Variants in SUN3 observed in about 807,000 individuals in gnomAD.
SUN3 encodes the protein Sad1 and UNC84 domain containing 3.
A neutral mutation model predicts 48.2 loss-of-function variants in SUN3; 36 were observed. The ratio of observed to expected loss-of-function variants is 0.75; its 90% CI spans 0.57 to 0.99. SUN3 has a LOEUF of 0.99. Among genes scored for constraint, SUN3 ranks in the 50% least tolerant of loss-of-function variants. SUN3 has a pLI of 0.00. For missense variants in SUN3, 419 were observed against 433.1 expected, an observed-to-expected ratio of 0.97 and a Z score of 0.29; for synonymous variants, 148 against 147.9, an observed-to-expected ratio of 1.00 and a Z score of 0.00.
chr7:48,006,618 C>T (rs549838866), intron 5 of SUN3, among the ~76,000 whole-genome samples: 12 of 152,284 alleles, frequency 7.9e-5, no homozygotes, highest in Admixed American at 2.6e-4. Context: ...GCTGCCTAAA[C>T]GTAACACCTT....
At chr7:48,016,558 T>C (rs973785668) in intron 3 of SUN3, among the ~76,000 whole-genome samples, 8 of 152,138 alleles carry the variant, frequency 5.3e-5, no homozygotes, top group African/African-American at 1.9e-4. Context: ...ATTCAGTGAC[T>C]AGCCTCAGTC....
chr7:48,016,551 C>T (rs1026464410), intron 3 of SUN3, among the ~76,000 whole-genome samples: 4 of 152,150 alleles, frequency 2.6e-5, no homozygotes, highest in Non-Finnish European at 4.4e-5. Flanking sequence ...AGAGGACATT[C>T]AGTGACTAGC....
intron 1 of SUN3, among the ~76,000 whole-genome samples, chr7:48,026,832 C>T (rs534764154): frequency 7.2e-5 from 11 of 152,090 alleles, no homozygotes; most frequent in Admixed American, 1.3e-4. Context: ...AGAGAGCCCT[C>T]GCTAGAGACC....
At chr7:47,998,904 A>C (rs1789285099) in intron 6 of SUN3, among the ~76,000 whole-genome samples, 1 of 152,220 alleles carries the variant, frequency 6.6e-6, no homozygotes, top group Non-Finnish European at 1.5e-5. Flanking sequence ...GTAAACTTAT[A>C]GTAAGCCTTA....
chr7:48,022,356 C>T (rs1790022567), intron 2 of SUN3, among the ~76,000 whole-genome samples: 1 of 152,024 alleles, frequency 6.6e-6, no homozygotes, highest in African/African-American at 2.4e-5. Context: ...TATTTGACAA[C>T]ACAATGGGTG....
intron 2 of SUN3, among the ~76,000 whole-genome samples, chr7:48,024,161 A>G (rs1055266841): frequency 2.6e-5 from 4 of 152,238 alleles, no homozygotes; most frequent in African/African-American, 9.6e-5. Flanking sequence ...GGATGCTTCA[A>G]TATGACACCC....
chr7:47,997,095 C>T (rs1205246681), intron 6 of SUN3, among the ~76,000 whole-genome samples: 1 of 151,776 alleles, frequency 6.6e-6, no homozygotes, highest in Non-Finnish European at 1.5e-5. Context: ...CCACCGCGCC[C>T]AGCTGATTAT....
At chr7:48,009,489 G>C (rs1050979021) in intron 3 of SUN3, among the ~76,000 whole-genome samples, 1 of 152,168 alleles carries the variant, frequency 6.6e-6, no homozygotes, top group Non-Finnish European at 1.5e-5. Context: ...ACATGGCGAC[G>C]TTAGAGGACC....
chr7:48,028,327 A>C (rs1790190782), intron 1 of SUN3, among the ~76,000 whole-genome samples: 1 of 151,866 alleles, frequency 6.6e-6, no homozygotes, highest in South Asian at 2.1e-4. Flanking sequence ...TCACTAGAGG[A>C]AACAGGGTGA....
intron 3 of SUN3, among the ~76,000 whole-genome samples, chr7:48,015,144 T>C (rs1562609954): frequency 6.6e-6 from 1 of 152,150 alleles, no homozygotes; most frequent in Non-Finnish European, 1.5e-5. Flanking sequence ...AAATTGGCAA[T>C]AGTTGGAGCC....
At chr7:48,008,011 A>G (rs1789579540) in intron 4 of SUN3, among the ~76,000 whole-genome samples, 1 of 151,850 alleles carries the variant, frequency 6.6e-6, no homozygotes, top group South Asian at 2.1e-4. Context: ...TTTAGTAGAG[A>G]CAAGGTTTCA....
At chr7:48,001,929 C>T (rs2128774171) in intron 6 of SUN3, among the ~76,000 whole-genome samples, 1 of 152,178 alleles carries the variant, frequency 6.6e-6, no homozygotes, top group African/African-American at 2.4e-5. Flanking sequence ...TCTGGATATC[C>T]CAGTAATGGG....
At chr7:48,011,082 G>T (rs1789669910) in intron 3 of SUN3, among the ~76,000 whole-genome samples, 1 of 152,122 alleles carries the variant, frequency 6.6e-6, no homozygotes, top group South Asian at 2.1e-4. Context: ...AGTAATCTAG[G>T]ACGATTTGAT....
upstream of SUN3, among the ~76,000 whole-genome samples, chr7:48,031,631 A>G (rs1790257479): frequency 6.6e-6 from 1 of 152,256 alleles, no homozygotes; most frequent in South Asian, 2.1e-4. Context: ...TATGAAAAAC[A>G]GTATGGAAGT....
At chr7:48,012,447 A>G (rs189063345) in intron 3 of SUN3, among the ~76,000 whole-genome samples, 1 of 152,146 alleles carries the variant, frequency 6.6e-6, no homozygotes, top group East Asian at 1.9e-4. Flanking sequence ...ATGCCTTGGA[A>G]CATGGCTCTA....
At position 48,006,019 on chromosome 7, in the gene SUN3, T is replaced by G; in HGVS notation, c.527A>C (p.Lys176Thr). Residue 176 changes from lysine (K) to threonine (T), a missense_variant, in exon 6 of 10, where the codon AAG (lysine) becomes ACG (threonine). Coordinates refer to ENST00000297325, the MANE Select transcript of SUN3 (RefSeq NM_001030019.2). The part of the protein sequence containing the change: ...VSNLVNYVLK[K>T]LREDQVEMAD... ...CATCTCGACTTGGTCTTCTCTCAAC[T>G]TTTTAAGTACATAATTGACCAAGTT... 6.2e-7 allele frequency: 1 copy of G among 1,613,262 alleles called. No homozygotes were observed.
chr7:48,023,607 T>C (rs1178951384), intron 2 of SUN3, among the ~76,000 whole-genome samples: 1 of 152,080 alleles, frequency 6.6e-6, no homozygotes, highest in African/African-American at 2.4e-5. Flanking sequence ...TAAATGAAAA[T>C]GGATTAAACT....
intron 6 of SUN3, among the ~76,000 whole-genome samples, chr7:48,002,191 G>A (rs1216028924): frequency 2.1e-5 from 2 of 96,474 alleles, no homozygotes; most frequent in East Asian, 5.6e-4. Context: ...ACGGAGTCTC[G>A]CTCTGTCGCC....
chr7:48,020,159 C>A (rs909347247), intron 2 of SUN3, among the ~76,000 whole-genome samples: 2 of 151,926 alleles, frequency 1.3e-5, no homozygotes, highest in African/African-American at 4.8e-5. Flanking sequence ...TCAACATATG[C>A]AAATCAATCA....
Sources: gnomAD v4.1 joint callset for allele counts (sites outside exome capture counted in the v4.1 genomes callset) on GRCh38, gnomAD v4.1.1 for gene constraint, MANE v1.5 for transcripts, NCBI Gene and HGNC (gene_info 2026-07-23, HGNC 2026-07-21) for gene names.